Variants in MICU1 observed in about 807,000 individuals in gnomAD.
MICU1 encodes mitochondrial calcium uptake 1.
Under a neutral mutation model 56.8 loss-of-function variants are expected in MICU1, and 45 were observed. That is an observed-to-expected ratio of 0.79 (90% CI 0.62 to 1.02). The LOEUF is 1.02. Ranked by LOEUF, MICU1 falls within the 50% of genes least tolerant of loss-of-function variation. The pLI is 0.00. For missense variants in MICU1, 504 were observed against 587.1 expected, an observed-to-expected ratio of 0.86 and a Z score of 1.46; for synonymous variants, 186 against 195.1, an observed-to-expected ratio of 0.95 and a Z score of 0.39.
chr10:72,558,643 T>A (rs555238800), intron 3 of MICU1, among the ~76,000 whole-genome samples: 1 of 152,220 alleles, frequency 6.6e-6, no homozygotes, highest in East Asian at 1.9e-4. Flanking sequence ...TTGGGTTCAG[T>A]GACTGGATCT....
intron 1 of MICU1, among the ~76,000 whole-genome samples, chr10:72,594,883 C>T (rs1475137901): frequency 5.7e-5 from 7 of 122,818 alleles, no homozygotes; most frequent in Admixed American, 3.9e-4. Context: ...GCATTCCAGC[C>T]TGGATGACAA....
chr10:72,399,603 G>A (rs755149119), intron 10 of MICU1, among the ~76,000 whole-genome samples: 1 of 151,928 alleles, frequency 6.6e-6, no homozygotes. Context: ...CTGAGATCGC[G>A]CCACTGTACT....
chr10:72,547,423 G>A (rs1384547467), intron 4 of MICU1, among the ~76,000 whole-genome samples: 1 of 151,864 alleles, frequency 6.6e-6, no homozygotes, highest in African/African-American at 2.4e-5. Flanking sequence ...GATTATTTAA[G>A]AGGGCAGGAC....
intron 8 of MICU1, among the ~76,000 whole-genome samples, chr10:72,450,976 A>C (rs1295017739): frequency 6.6e-6 from 1 of 151,180 alleles, no homozygotes; most frequent in Non-Finnish European, 1.5e-5. Context: ...TTGGCCTCCC[A>C]AAGTGCTGGG....
intron 6 of MICU1, among the ~76,000 whole-genome samples, chr10:72,487,704 T>G (rs1467948942): frequency 1.3e-5 from 2 of 152,182 alleles, no homozygotes; most frequent in Non-Finnish European, 2.9e-5. Flanking sequence ...AAAAATACCC[T>G]TTTGGAAAGC....
At chr10:72,435,492 T>C (rs1864681570) in intron 8 of MICU1, among the ~76,000 whole-genome samples, 1 of 151,826 alleles carries the variant, frequency 6.6e-6, no homozygotes, top group Admixed American at 6.6e-5. Context: ...AGATGAGTGA[T>C]TTCTGCATTT....
At chr10:72,560,672 C>T (rs1483628072) in intron 3 of MICU1, among the ~76,000 whole-genome samples, 2 of 152,154 alleles carry the variant, frequency 1.3e-5, no homozygotes, top group Non-Finnish European at 2.9e-5. Context: ...GAGTTCGAGA[C>T]CAGTCTGGCT....
chr10:72,510,537 C>T (rs1402493069), intron 5 of MICU1, among the ~76,000 whole-genome samples: 2 of 152,068 alleles, frequency 1.3e-5, no homozygotes, highest in Non-Finnish European at 2.9e-5. Context: ...ATTTCTAAAG[C>T]CTAAAATCCC....
chr10:72,612,132 G>GT (rs1209874438), intron 1 of MICU1, among the ~76,000 whole-genome samples: 3 of 151,822 alleles, frequency 2.0e-5, no homozygotes, highest in Non-Finnish European at 4.4e-5. Flanking sequence ...AGAAATCTGT[G>GT]TATGTGCTTA....
In MICU1 at chr10:72,569,237, A is replaced by ATATATATATATTTT; in HGVS notation, c.-1-2444_-1-2443insAAAATATATATATA. 8.7e-5 allele frequency among the ~76,000 whole-genome samples: 3 copies of ATATATATATATTTT among 34,376 alleles called. 1 individual carries two copies. The highest frequency in any genetic ancestry group is 1.0e-4 in the Non-Finnish European group (2 of 19,572). 22.6% of individuals were successfully genotyped at this position (34,376 alleles called of 152,430 possible). A position where few individuals can be genotyped will look rare whatever the true frequency, so the allele number is the denominator to read the frequency against. On this transcript the variant is annotated intron_variant, in intron 1 of 11. Transcript: ENST00000361114. ...TATATATATATATATATATATATAT[A>ATATATATATATTTT]TTTTTTTTTTTTTTTGAGATGGCGT...
chr10:72,504,136 C>G (rs1301178725), intron 6 of MICU1, among the ~76,000 whole-genome samples: 1 of 152,038 alleles, frequency 6.6e-6, no homozygotes, highest in African/African-American at 2.4e-5. Flanking sequence ...AAAAACTATT[C>G]TAAAGTTCAT....
At chr10:72,462,218 TC>T (rs1436773952) in intron 8 of MICU1, among the ~76,000 whole-genome samples, 5 of 151,198 alleles carry the variant, frequency 3.3e-5, no homozygotes, top group African/African-American at 1.2e-4. Context: ...TCTTTTCTTT[TC>T]TTTTTTTTTT....
At chr10:72,430,374 T>G in intron 8 of MICU1, among the ~76,000 whole-genome samples, 1 of 152,288 alleles carries the variant, frequency 6.6e-6, no homozygotes, top group East Asian at 1.9e-4. Context: ...AACAAAATTC[T>G]GAAATATAAA....
intron 8 of MICU1, chr10:72,467,882 CTG>C (rs1328692573): frequency 1.3e-5 from 2 of 150,338 alleles, no homozygotes; most frequent in Admixed American, 6.7e-5. Context: ...TGGCATGAGA[CTG>C]GAGTGCAATG....
Position 72,375,772 on chromosome 10 carries a change from G to A in MICU1, c.1270+11C>T, listed in dbSNP as rs1277414619. 1.2e-6 allele frequency: 2 copies of A among 1,610,324 alleles called. No individual in the cohort carries two copies. The highest frequency in any genetic ancestry group is 1.1e-5 in the South Asian group (1 of 90,150). On this transcript the variant is annotated intron_variant, in intron 11 of 11. Transcript: ENST00000361114. ...CTGTTTCCCCTCCGGGCTCCAGAGG[G>A]CCCCACTCACCATCACAGTCAAAGA...
At chr10:72,522,104 T>C (rs1201749416) in intron 5 of MICU1, among the ~76,000 whole-genome samples, 1 of 152,024 alleles carries the variant, frequency 6.6e-6, no homozygotes, top group Non-Finnish European at 1.5e-5. Context: ...AGATTATAAA[T>C]AGATGGTCAG....
intron 3 of MICU1, among the ~76,000 whole-genome samples, chr10:72,558,416 T>A (rs1187453424): frequency 2.0e-5 from 3 of 152,076 alleles, no homozygotes; most frequent in African/African-American, 4.8e-5. Flanking sequence ...GCAAAGCAAT[T>A]AGGGGCTCAT....
At chr10:72,512,100 GTTTTTTGTTTTT>G (rs1446496325) in intron 5 of MICU1, among the ~76,000 whole-genome samples, 39 of 82,334 alleles carry the variant, frequency 4.7e-4, no homozygotes, top group East Asian at 2.3e-3. Context: ...ATACACAGTT[GTTTTTTGTTTTT>G]TTTTTTTTTT....
intron 10 of MICU1, among the ~76,000 whole-genome samples, chr10:72,390,068 A>G (rs1863020299): frequency 6.6e-6 from 1 of 152,224 alleles, no homozygotes; most frequent in Non-Finnish European, 1.5e-5. Flanking sequence ...AGAACTCTTG[A>G]AAACACTTCA....
Sources: allele counts gnomAD v4.1 joint callset (sites outside exome capture counted in the v4.1 genomes callset), GRCh38; gene constraint gnomAD v4.1.1; transcripts MANE v1.5; gene names NCBI Gene and HGNC (gene_info 2026-07-23, HGNC 2026-07-21).